Variants in RHOF observed in about 807,000 individuals in gnomAD.
The protein encoded by RHOF is ras homolog family member F, filopodia associated, also known as rho-related GTP-binding protein RhoF.
RHOF carries 21 observed loss-of-function variants against 22.2 expected under a neutral mutation model. That is an observed-to-expected ratio of 0.95 (90% CI 0.67 to 1.36). RHOF has a LOEUF of 1.36. RHOF is among the 40% of genes most tolerant of loss of function. RHOF has a pLI of 0.00. For missense variants in RHOF, 285 were observed against 293.7 expected, an observed-to-expected ratio of 0.97 and a Z score of 0.22; for synonymous variants, 135 against 131.2, an observed-to-expected ratio of 1.03 and a Z score of -0.20.
chr12:121,788,271 C>T (rs1874665829), intron 2 of RHOF, among the ~76,000 whole-genome samples: 1 of 152,096 alleles, frequency 6.6e-6, no homozygotes, highest in Non-Finnish European at 1.5e-5. Context: ...TAGCCTACCC[C>T]AGAAAACAGG....
chr12:121,793,445 C>G (rs1394236223), intron 1 of RHOF, 51 bp downstream of exon 1: 1 of 1,533,690 alleles, frequency 6.5e-7, no homozygotes, highest in African/African-American at 1.4e-5. Flanking sequence ...GCTCTGGGCT[C>G]AGGGTAAGGG....
At chr12:121,784,133 C>T (rs1199265404) in intron 2 of RHOF, among the ~76,000 whole-genome samples, 1 of 152,116 alleles carries the variant, frequency 6.6e-6, no homozygotes, top group Non-Finnish European at 1.5e-5. Context: ...CTTAAACATC[C>T]AGATTAACCA....
chr12:121,792,067 G>A (rs1245068470), intron 2 of RHOF, among the ~76,000 whole-genome samples: 1 of 146,746 alleles, frequency 6.8e-6, no homozygotes, highest in Non-Finnish European at 1.5e-5. Flanking sequence ...AGGTTCCTCA[G>A]AGGCCACGAT....
Position 121,780,995 on chromosome 12 carries a change from C to T in RHOF, c.348G>A (p.Glu116=). ...GGATCCCGCGGCAGAAATGCGTGAC[C>T]TCAGGGAACCACTGTGGAGGGAGGA... ...YDNVLIKWFP[E]VTHFCRGIPM... is the part of the protein sequence containing the mutation. The change falls in exon 4 of 5, where the codon GAG becomes GAA. Residue 116 remains glutamate (E), a synonymous_variant. Transcript: ENST00000267205. The T allele has an allele frequency of 6.2e-7, 1 of 1,613,666 alleles. No homozygotes were observed. Among genetic ancestry groups the T allele is most frequent in the Non-Finnish European group, 8.5e-7 (1 of 1,179,694 alleles).
In RHOF at chr12:121,779,382, CCG is replaced by C. The variant is rs1874355748; in HGVS notation, c.*114_*115del. Reference sequence around the variant, plus strand: ...GTTCCAGAATGTTCCAAGAGTCTAGCCGCAGGCCCCAGACACCATGAGCTGGA... The same window carrying C: ...GTTCCAGAATGTTCCAAGAGTCTAGCCAGGCCCCAGACACCATGAGCTGGA... On this transcript the variant is annotated 3_prime_UTR_variant, in exon 5 of 5. Transcript: ENST00000267205. 1 of 1,118,010 alleles carries C rather than the reference CCG, an allele frequency of 8.9e-7. No individual in the cohort carries two copies. The highest frequency in any genetic ancestry group is 1.6e-5 in the African/African-American group (1 of 64,140). The allele number at this position is 1,118,010 out of a possible 1,614,324, so 69.3% of individuals were successfully genotyped here.
intron 2 of RHOF, among the ~76,000 whole-genome samples, chr12:121,790,488 C>G (rs999581526): frequency 1.3e-5 from 2 of 152,254 alleles, no homozygotes; most frequent in Non-Finnish European, 1.5e-5. Context: ...TCATCTCCGG[C>G]ATTCGGATCC....
In RHOF at chr12:121,778,091, T is replaced by C. The variant is rs1874303818; in HGVS notation, c.*1407A>G. On this transcript the variant is annotated 3_prime_UTR_variant, in exon 5 of 5. Transcript: ENST00000267205. ...TCCCATCTTAGGCGACACCGACTCC[T>C]AGGCGCCCTCCAGAGCCAAGCAGCT... The C allele has an allele frequency of 6.6e-6, 1 of 152,168 alleles. No individual in the cohort carries two copies. Among genetic ancestry groups the C allele is most frequent in the African/African-American group, 2.4e-5 (1 of 41,432 alleles). The allele number at this position is 152,168 out of a possible 1,614,324, so 9.4% of individuals were successfully genotyped here. A position where few individuals can be genotyped will look rare whatever the true frequency, so the allele number is the denominator to read the frequency against.
chr12:121,785,505 T>TAC (rs1303179215), intron 2 of RHOF, among the ~76,000 whole-genome samples: 17 of 150,452 alleles, frequency 1.1e-4, no homozygotes, highest in Non-Finnish European at 1.2e-4. Context: ...CAGCTCACTG[T>TAC]AAGCTACGCC....
At chr12:121,792,761 A>G (rs1363346590) in intron 2 of RHOF, among the ~76,000 whole-genome samples, 5 of 152,210 alleles carry the variant, frequency 3.3e-5, no homozygotes, top group Non-Finnish European at 7.4e-5. Context: ...CACACAGCCC[A>G]GGCAATCCGA....
At chr12:121,788,682 G>A (rs1874679446) in intron 2 of RHOF, among the ~76,000 whole-genome samples, 1 of 152,168 alleles carries the variant, frequency 6.6e-6, no homozygotes, top group Non-Finnish European at 1.5e-5. Flanking sequence ...CTCTCTGGGT[G>A]TCAATTTCCT....
chr12:121,780,847 C>A (rs778748619), intron 4 of RHOF, 25 bp downstream of exon 4: 5 of 1,605,934 alleles, frequency 3.1e-6, no homozygotes, highest in Non-Finnish European at 4.3e-6. Flanking sequence ...CACGGCTGTG[C>A]CCCAGGGTCT....
chr12:121,793,389 G>C (rs2137509997), intron 1 of RHOF, 107 bp downstream of exon 1: 1 of 1,471,934 alleles, frequency 6.8e-7, no homozygotes, highest in South Asian at 1.2e-5. Context: ...GCCCCGGGGT[G>C]GCGGCCGCCT....
Position 121,793,669 on chromosome 12 carries a change from G to A in RHOF, c.-36C>T. The A allele has an allele frequency of 1.3e-6, 2 of 1,491,114 alleles. No individual in the cohort carries two copies. Among genetic ancestry groups the A allele is most frequent in the Non-Finnish European group, 1.8e-6 (2 of 1,127,992 alleles). 92.4% of individuals were successfully genotyped at this position (1,491,114 alleles called of 1,614,324 possible). ...CCGCAGCACTGGCGGCGGCGCGCCGGGCACTAGCGGAGCCAAGAGGTCGGG... is the reference window on the plus strand; with the variant it reads ...CCGCAGCACTGGCGGCGGCGCGCCGAGCACTAGCGGAGCCAAGAGGTCGGG... On this transcript the variant is annotated 5_prime_UTR_variant, in exon 1 of 5. Coordinates refer to ENST00000267205, the MANE Select transcript of RHOF (RefSeq NM_019034.3).
At chr12:121,781,620 A>G in intron 2 of RHOF, 1 of 202,288 alleles carries the variant, frequency 4.9e-6, no homozygotes, top group East Asian at 1.3e-4. Flanking sequence ...AGCCAGTGTG[A>G]TCCCCCTGCC....
chr12:121,787,712 G>C (rs1874644232), intron 2 of RHOF, among the ~76,000 whole-genome samples: 1 of 152,058 alleles, frequency 6.6e-6, no homozygotes, highest in Non-Finnish European at 1.5e-5. Context: ...GACCAGCCTG[G>C]GCAACATGGT....
intron 2 of RHOF, among the ~76,000 whole-genome samples, chr12:121,788,550 G>A (rs772934606): frequency 6.6e-6 from 1 of 152,132 alleles, no homozygotes; most frequent in Non-Finnish European, 1.5e-5. Context: ...ATGGGGGAGC[G>A]TACTATTAAT....
In RHOF at chr12:121,793,186, G is replaced by T; in HGVS notation, c.192C>A (p.Ser64Arg). The T allele has an allele frequency of 6.4e-7, 1 of 1,550,810 alleles. No homozygotes were observed. The highest frequency in any genetic ancestry group is 8.7e-7 in the Non-Finnish European group (1 of 1,146,836). The change falls in exon 2 of 5, where the codon AGC (serine) becomes AGA (arginine). Residue 64 changes from serine to arginine, a missense_variant. Ser to Arg is a moderately radical substitution (Grantham distance 110). Transcript: ENST00000267205. ...EKYTASVTVG[S>R]KEVTLNLYDT... ...CGTAGAGGTTCAGGGTCACCTCCTT[G>T]CTGCCAACGGTCACGCTGGCCGTGT...
chr12:121,793,325 C>T, intron 1 of RHOF, 86 bp from the exon 2 acceptor site: 1 of 1,450,280 alleles, frequency 6.9e-7, no homozygotes, highest in Non-Finnish European at 9.4e-7. Flanking sequence ...CCCCCTCACT[C>T]GTCCCGGATC....
rs984449284 is a variant in RHOF at position 121,781,112 on chromosome 12, G to C, written c.307C>G (p.Pro103Ala). 4 of 1,614,242 alleles carry C rather than the reference G, an allele frequency of 2.5e-6. No homozygotes were observed. The Admixed American group carries it at 6.7e-5, about 27-fold the overall frequency. The change falls in exon 3 of 5, where the codon CCC (proline) becomes GCC (alanine). Residue 103 changes from proline (P) to alanine (A), a missense_variant. Transcript: ENST00000267205. ...LVLICYDVMN[P>A]TSYDNVLIKW... ...ATGAGGACGTTGTCGTAGCTGGTGGGATTCATGACGTCATAGCAGATGAGC... is the reference window on the plus strand; with the variant it reads ...ATGAGGACGTTGTCGTAGCTGGTGGCATTCATGACGTCATAGCAGATGAGC...
Sources: gnomAD v4.1 joint callset for allele counts (sites outside exome capture counted in the v4.1 genomes callset) on GRCh38, gnomAD v4.1.1 for gene constraint, MANE v1.5 for transcripts, NCBI Gene and HGNC (gene_info 2026-07-23, HGNC 2026-07-21) for gene names.